Variants in SMARCAD1 observed in about 807,000 individuals in gnomAD.
SMARCAD1 encodes SWI/SNF-related matrix-associated actin-dependent regulator of chromatin subfamily A containing DEAD/H box 1.
Under a neutral mutation model 127.1 loss-of-function variants are expected in SMARCAD1, and 25 were observed. The ratio of observed to expected loss-of-function variants is 0.20; its 90% CI spans 0.14 to 0.27. SMARCAD1 has a LOEUF of 0.27. SMARCAD1 is among the 10% of genes least tolerant of loss of function. The pLI, the probability that SMARCAD1 is intolerant of heterozygous loss-of-function variation, is 1.00. For missense variants in SMARCAD1, 807 were observed against 1,206.0 expected (o/e 0.67, Z 4.90); for synonymous variants, 400 against 396.9 (o/e 1.01, Z -0.09).
chr4:94,274,982 T>G lies in SMARCAD1; in HGVS notation c.1808+17T>G. 6.5e-7 allele frequency: 1 copy of G among 1,550,058 alleles called. No homozygotes were observed. On this transcript the variant is annotated intron_variant, in intron 14 of 23. Transcript: ENST00000354268. ...TGTGACCACGTAAGTATTGAGAAAT[T>G]TGGGGAGGATGGATATTTATGCAGC...
At chr4:94,225,872 A>G (rs987677183) in intron 2 of SMARCAD1, among the ~76,000 whole-genome samples, 1 of 152,240 alleles carries the variant, frequency 6.6e-6, no homozygotes, top group Non-Finnish European at 1.5e-5. Flanking sequence ...GTATTAGAAT[A>G]TAAAACACAA....
intron 16 of SMARCAD1, among the ~76,000 whole-genome samples, chr4:94,277,425 CAG>C (rs548475869): frequency 9.8e-4 from 149 of 152,188 alleles, no homozygotes; most frequent in Non-Finnish European, 1.3e-3. Flanking sequence ...ATGAAGAGCT[CAG>C]ATATATAGTA....
At chr4:94,279,166 C>CTTT in intron 19 of SMARCAD1, 116 bp downstream of exon 19, 1 of 1,313,616 alleles carries the variant, frequency 7.6e-7, no homozygotes, top group Non-Finnish European at 1.0e-6. Flanking sequence ...TTAAGAAAAA[C>CTTT]TTTTTTTTTT....
chr4:94,272,282 T>C (rs1752649416), intron 11 of SMARCAD1, among the ~76,000 whole-genome samples: 1 of 152,210 alleles, frequency 6.6e-6, no homozygotes, highest in South Asian at 2.1e-4. Context: ...AACGTATGTA[T>C]TGTCAGTGGG....
chr4:94,251,295 C>T (rs2125914619), intron 8 of SMARCAD1, among the ~76,000 whole-genome samples: 1 of 152,148 alleles, frequency 6.6e-6, no homozygotes, highest in South Asian at 2.1e-4. Flanking sequence ...ATTCTAGGAA[C>T]CAAATGATAG....
intron 8 of SMARCAD1, among the ~76,000 whole-genome samples, chr4:94,251,745 A>T (rs1267471703): frequency 6.6e-6 from 1 of 152,230 alleles, no homozygotes; most frequent in Non-Finnish European, 1.5e-5. Flanking sequence ...CTGGTACATA[A>T]AATAATGGTG....
rs116043659 is a variant in SMARCAD1 at position 94,221,080 on chromosome 4, A to G, written c.191-5039A>G. 4.5e-3 allele frequency among the ~76,000 whole-genome samples: 680 copies of G among 152,370 alleles called. 4 individuals carry two copies. The highest frequency in any genetic ancestry group is 0.015 in the African/African-American group (628 of 41,590). ...AACAAAGTAATACAAAGAAAACAAC[A>G]CAGTATGTATTTCCAGTGATAAAAC... On this transcript the variant is annotated intron_variant, in intron 2 of 23. Transcript: ENST00000354268.
intron 18 of SMARCAD1, 77 bp from the exon 19 acceptor site, chr4:94,278,852 A>C: frequency 6.2e-7 from 1 of 1,604,052 alleles, no homozygotes; most frequent in East Asian, 2.2e-5. Context: ...TGAGGAAATA[A>C]TTTTAAAACT....
chr4:94,290,383 C>T lies in SMARCAD1; in HGVS notation c.*849C>T. 1 of 454,502 alleles carries T rather than the reference C, an allele frequency of 2.2e-6. No homozygotes were observed. The highest frequency in any genetic ancestry group is 4.4e-6 in the Non-Finnish European group (1 of 226,776). 28.2% of individuals were successfully genotyped at this position (454,502 alleles called of 1,614,324 possible). ...CTCTCTAAATAGTAGTTTATTACTGCCACATCTCCATGCATCAGCAAAATG... is the reference window on the plus strand; with the variant it reads ...CTCTCTAAATAGTAGTTTATTACTGTCACATCTCCATGCATCAGCAAAATG... On this transcript the variant is annotated 3_prime_UTR_variant, in exon 24 of 24. Coordinates refer to ENST00000354268, the MANE Select transcript of SMARCAD1 (RefSeq NM_020159.5).
chr4:94,234,116 A>G lies in SMARCAD1; in HGVS notation c.531A>G (p.Leu177=). 6.3e-7 allele frequency: 1 copy of G among 1,597,840 alleles called. No homozygotes were observed. Among genetic ancestry groups the G allele is most frequent in the Middle Eastern group, 1.7e-4 (1 of 6,036 alleles). ...ELFPQRSDND[L]LKLIESTSTM... is the part of the protein sequence containing the mutation. The stretch of plus-strand genomic sequence containing the variant: ...TTCCACAAAGAAGTGACAATGATTT[A>G]CTTAAGGTTATATTCATTGGTTATT... The change falls in exon 4 of 24, where the codon TTA becomes TTG. Residue 177 remains leucine, a synonymous_variant. Coordinates refer to ENST00000354268, the MANE Select transcript of SMARCAD1 (RefSeq NM_020159.5).
In SMARCAD1 at chr4:94,270,909, A is replaced by G. The variant is rs1752455604; in HGVS notation, c.1572+91A>G. On this transcript the variant is annotated intron_variant, in intron 11 of 23. Transcript: ENST00000354268. ...TTAAAACATGAAACTTTTTTTTGCT[A>G]CTGTAGTTAACTACTGCCACCTCAG... The G allele has an allele frequency of 1.0e-5, 11 of 1,076,728 alleles. No homozygotes were observed. In the South Asian group the frequency reaches 1.4e-4, roughly 14 times the overall value. The allele number at this position is 1,076,728 out of a possible 1,614,324, so 66.7% of individuals were successfully genotyped here. A position where few individuals can be genotyped will look rare whatever the true frequency, so the allele number is the denominator to read the frequency against.
At chr4:94,214,747 C>T (rs1011158819) in intron 2 of SMARCAD1, among the ~76,000 whole-genome samples, 7 of 151,472 alleles carry the variant, frequency 4.6e-5, no homozygotes, top group African/African-American at 1.7e-4. Flanking sequence ...TAGATGGGTT[C>T]ATAGATTATT....
chr4:94,274,200 G>T (rs1752944151), intron 12 of SMARCAD1, among the ~76,000 whole-genome samples: 2 of 152,050 alleles, frequency 1.3e-5, no homozygotes, highest in African/African-American at 4.8e-5. Context: ...ATAATATTTG[G>T]TCATCTGCCC....
At chr4:94,223,734 A>ATTTTTTTTTTTTTTTTTTTTTTTT (rs944591007) in intron 2 of SMARCAD1, among the ~76,000 whole-genome samples, 7 of 100,170 alleles carry the variant, frequency 7.0e-5, no homozygotes, top group African/African-American at 2.6e-4. Context: ...CTCCCGGCTA[A>ATTTTTTTTTTTTTTTTTTTTTTTT]TTTTTTTTTT....
At chr4:94,269,826 G>A (rs1238746076) in intron 10 of SMARCAD1, among the ~76,000 whole-genome samples, 2 of 151,892 alleles carry the variant, frequency 1.3e-5, no homozygotes, top group Non-Finnish European at 2.9e-5. Flanking sequence ...ACGTCACCAT[G>A]CCTGGCTAAT....
chr4:94,214,415 C>A (rs1226352798), intron 2 of SMARCAD1, among the ~76,000 whole-genome samples: 1 of 147,104 alleles, frequency 6.8e-6, no homozygotes, highest in Non-Finnish European at 1.5e-5. Context: ...GTGCCCGCCA[C>A]CACGCCGGGC....
At chr4:94,279,261 G>A (rs999051759) in intron 19 of SMARCAD1, among the ~76,000 whole-genome samples, 5 of 152,010 alleles carry the variant, frequency 3.3e-5, no homozygotes, top group African/African-American at 9.7e-5. Context: ...ATCCTCCTGC[G>A]TTGGCCTGCT....
intron 23 of SMARCAD1, among the ~76,000 whole-genome samples, chr4:94,288,509 C>G (rs1755269031): frequency 6.6e-6 from 1 of 152,102 alleles, no homozygotes; most frequent in African/African-American, 2.4e-5. Flanking sequence ...TGTCAGTGAA[C>G]TGACATCCCT....
chr4:94,275,089 A>G (rs1357507999), intron 14 of SMARCAD1, 124 bp downstream of exon 14: 2 of 757,568 alleles, frequency 2.6e-6, no homozygotes, highest in African/African-American at 3.5e-5. Context: ...TAATAGAATG[A>G]CTAATGTTGA....
Sources: gnomAD v4.1 joint callset for allele counts (sites outside exome capture counted in the v4.1 genomes callset) on GRCh38, gnomAD v4.1.1 for gene constraint, MANE v1.5 for transcripts, NCBI Gene and HGNC (gene_info 2026-07-23, HGNC 2026-07-21) for gene names.